PDE10A: variants seen among roughly 807,000 people sequenced by gnomAD.
PDE10A encodes the protein cAMP and cAMP-inhibited cGMP 3',5'-cyclic phosphodiesterase 10A.
Under a neutral mutation model 97.7 loss-of-function variants are expected in PDE10A, and 39 were observed. The observed-to-expected ratio is 0.40, with a 90% CI of 0.31 to 0.52. The LOEUF is 0.52. PDE10A is among the 20% of genes least tolerant of loss of function. The pLI is 0.56. For synonymous variants in PDE10A, 371 were observed against 376.8 expected, an observed-to-expected ratio of 0.98 and a Z score of 0.18; for missense variants, 731 against 1,047.8, an observed-to-expected ratio of 0.70 and a Z score of 4.17.
At chr6:165,474,912 G>A (rs1333568426) in intron 3 of PDE10A, among the ~76,000 whole-genome samples, 1 of 152,144 alleles carries the variant, frequency 6.6e-6, no homozygotes, top group Non-Finnish European at 1.5e-5. Context: ...GAGAGAAATA[G>A]AGCGAGTGAG....
At position 165,508,051 on chromosome 6, in the gene PDE10A, C is replaced by T. The variant is rs186381756; in HGVS notation, c.995-25708G>A. Among the ~76,000 whole-genome samples, 463 of 152,046 alleles carry T rather than the reference C, an allele frequency of 3.0e-3. 7 individuals are homozygous for T. The highest frequency in any genetic ancestry group is 0.011 in the African/African-American group (448 of 41,482). On this transcript the variant is annotated intron_variant, in intron 2 of 21. Transcript: ENST00000539869. ...AACTGAAAAGTAGTATTTTAAAAGG[C>T]CATTACTTGTATTTTCAAAAACGAT... is the stretch of plus-strand genomic sequence containing the variant.
chr6:165,338,176 A>G (rs555136731), intron 20 of PDE10A, among the ~76,000 whole-genome samples: 7 of 152,354 alleles, frequency 4.6e-5, no homozygotes, highest in South Asian at 4.1e-4. Flanking sequence ...AGCCAGGGAC[A>G]TAAGTGGAGG....
intron 1 of PDE10A, among the ~76,000 whole-genome samples, chr6:165,623,424 GTTTC>G (rs745356338): frequency 4.6e-5 from 7 of 152,100 alleles, no homozygotes; most frequent in Non-Finnish European, 1.0e-4. Flanking sequence ...AGCCTCAGGT[GTTTC>G]TTTATAGCAA....
chr6:165,891,999 C>T lies in PDE10A; in HGVS notation c.-615+95530G>A, dbSNP rs574696180. Among the ~76,000 whole-genome samples the T allele has an allele frequency of 3.3e-5, 5 of 151,676 alleles. No homozygotes were observed. In the South Asian group the frequency reaches 1.0e-3, roughly 32 times the overall value. On this transcript the variant is annotated intron_variant, in intron 1 of 19. Coordinates refer to the PDE10A transcript ENST00000366882. ...AGTTTTGCAGCTTCCAGTATTCACC[C>T]ATCGGAAGTCCTAGTAAAACTCGAT...
intron 1 of PDE10A, chr6:165,947,345 G>A (rs922032229): frequency 1.1e-4 from 17 of 152,102 alleles, no homozygotes; most frequent in East Asian, 1.9e-4. Context: ...GTTGACAGTG[G>A]GTTAAGAGAT....
In PDE10A at chr6:165,332,689, G is replaced by A. The variant is rs1562354337; in HGVS notation, c.*336C>T. The A allele has an allele frequency of 3.7e-6, 1 of 270,160 alleles. No individual in the cohort carries two copies. Among genetic ancestry groups the A allele is most frequent in the Non-Finnish European group, 7.0e-6 (1 of 143,190 alleles). 16.7% of individuals were successfully genotyped at this position (270,160 alleles called of 1,614,324 possible). A position where few individuals can be genotyped will look rare whatever the true frequency, so the allele number is the denominator to read the frequency against. On this transcript the variant is annotated 3_prime_UTR_variant, in exon 22 of 22. Coordinates refer to ENST00000539869, the MANE Select transcript of PDE10A (RefSeq NM_001385079.1). ...CTTATTAGAAAGATACAATGGAAAA[G>A]TACCCCTTCTGGATAATTTTTGTCC... is the stretch of plus-strand genomic sequence containing the variant.
At chr6:165,826,298 C>CA (rs561598711) in intron 1 of PDE10A, among the ~76,000 whole-genome samples, 1,075 of 53,412 alleles carry the variant, frequency 0.02, 10 homozygotes, top group African/African-American at 0.076. Flanking sequence ...GTCCCCATGT[C>CA]CGTCTTCATG....
intron 1 of PDE10A, among the ~76,000 whole-genome samples, chr6:165,695,469 A>G (rs1483473462): frequency 1.3e-5 from 2 of 152,070 alleles, no homozygotes; most frequent in Admixed American, 1.3e-4. Flanking sequence ...CAGCTGGAGG[A>G]CTTTCCTCCT....
intron 1 of PDE10A, among the ~76,000 whole-genome samples, chr6:165,792,260 C>A (rs577111082): frequency 1.3e-5 from 2 of 152,192 alleles, no homozygotes; most frequent in African/African-American, 4.8e-5. Flanking sequence ...GATGAGTCAC[C>A]GTCGAGCAGA....
intron 1 of PDE10A, among the ~76,000 whole-genome samples, chr6:165,749,217 CCATCA>C (rs1792915320): frequency 7.1e-6 from 1 of 140,682 alleles, no homozygotes; most frequent in Non-Finnish European, 1.6e-5. Context: ...ATCACCATCA[CCATCA>C]TATCACCATC....
intron 1 of PDE10A, among the ~76,000 whole-genome samples, chr6:165,763,057 T>G (rs1219812362): frequency 1.3e-5 from 2 of 152,236 alleles, no homozygotes; most frequent in African/African-American, 4.8e-5. Flanking sequence ...CAGAATTGTG[T>G]GATTCACTGA....
intron 1 of PDE10A, among the ~76,000 whole-genome samples, chr6:165,553,224 TG>T (rs1469663759): frequency 1.3e-5 from 2 of 152,150 alleles, no homozygotes; most frequent in Non-Finnish European, 2.9e-5. Context: ...TTTCTTTTTT[TG>T]GGGAGGAGGG....
chr6:165,677,542 A>C (rs1173988847), intron 1 of PDE10A, among the ~76,000 whole-genome samples: 2 of 152,250 alleles, frequency 1.3e-5, no homozygotes, highest in Non-Finnish European at 2.9e-5. Context: ...TTTCCTAAAA[A>C]ATGCAGTATT....
At chr6:165,644,383 C>T (rs1490154224) in intron 1 of PDE10A, among the ~76,000 whole-genome samples, 7 of 152,128 alleles carry the variant, frequency 4.6e-5, no homozygotes, top group Non-Finnish European at 1.5e-5. Context: ...TTTTAAGAGT[C>T]TCCGTGAAGA....
intron 1 of PDE10A, among the ~76,000 whole-genome samples, chr6:165,588,414 T>C (rs188926774): frequency 1.4e-3 from 203 of 150,054 alleles, no homozygotes; most frequent in South Asian, 2.8e-3. Flanking sequence ...CCTCAGCCTC[T>C]AGAGTAGCTG....
intron 1 of PDE10A, among the ~76,000 whole-genome samples, chr6:165,600,091 C>T (rs1384536834): frequency 1.3e-5 from 2 of 152,168 alleles, no homozygotes; most frequent in Non-Finnish European, 1.5e-5. Context: ...ACACACCCCT[C>T]CCCAGCCAAA....
chr6:165,826,882 A>G (rs898388763), intron 1 of PDE10A, among the ~76,000 whole-genome samples: 16 of 150,838 alleles, frequency 1.1e-4, no homozygotes, highest in Middle Eastern at 6.8e-3. Context: ...GCACAGTGAG[A>G]GAGAGGACAA....
At chr6:165,670,892 T>C (rs1311205106) in intron 1 of PDE10A, among the ~76,000 whole-genome samples, 4 of 152,232 alleles carry the variant, frequency 2.6e-5, no homozygotes, top group African/African-American at 4.8e-5. Flanking sequence ...GATGGGTTAC[T>C]ACGGTAGAGT....
chr6:165,480,568 A>C (rs1376500017), intron 3 of PDE10A, among the ~76,000 whole-genome samples: 14 of 152,156 alleles, frequency 9.2e-5, no homozygotes, highest in Admixed American at 9.2e-4. Context: ...TGGGTGATGA[A>C]CTGAGGCTTT....
Sources: gnomAD v4.1 joint callset for allele counts (sites outside exome capture counted in the v4.1 genomes callset) on GRCh38, gnomAD v4.1.1 for gene constraint, MANE v1.5 for transcripts, NCBI Gene and HGNC (gene_info 2026-07-23, HGNC 2026-07-21) for gene names.